Variants in LGR5 observed in about 807,000 individuals in gnomAD.
LGR5 encodes the protein leucine-rich repeat-containing G protein-coupled receptor 5.
In LGR5, 54 loss-of-function variants were observed where a neutral mutation model predicts 76.7. The observed-to-expected ratio is 0.70, with a 90% CI of 0.57 to 0.88. The LOEUF (loss-of-function observed/expected upper bound fraction) is 0.88. Ranked by LOEUF, LGR5 falls within the 40% of genes least tolerant of loss-of-function variation. LGR5 has a pLI of 0.00. For missense variants in LGR5, 1,078 were observed against 1,073.3 expected, an observed-to-expected ratio of 1.00 and a Z score of -0.06; for synonymous variants, 406 against 421.9, an observed-to-expected ratio of 0.96 and a Z score of 0.46.
Position 71,554,881 on chromosome 12 carries a change from C to T in LGR5, c.644+1593C>T, listed in dbSNP as rs150062643. On this transcript the variant is annotated intron_variant, in intron 5 of 17. Transcript: ENST00000266674. ...TAATCAGTTTTCTTTAAAAATGTAG[C>T]AGTATGACCCCCACATGTATAATAT... 8.5e-5 allele frequency among the ~76,000 whole-genome samples: 13 copies of T among 152,242 alleles called. No individual in the cohort carries two copies. In the East Asian group the frequency reaches 2.1e-3, roughly 25 times the overall value.
intron 1 of LGR5, among the ~76,000 whole-genome samples, chr12:71,475,337 A>G (rs914971658): frequency 1.3e-5 from 2 of 152,330 alleles, no homozygotes; most frequent in Admixed American, 6.5e-5. Context: ...AAAACAAAAG[A>G]AAAAGAACTG....
At chr12:71,498,205 C>CA (rs1218613301) in intron 1 of LGR5, among the ~76,000 whole-genome samples, 3 of 152,092 alleles carry the variant, frequency 2.0e-5, no homozygotes, top group Non-Finnish European at 4.4e-5. Context: ...TAATTACAAG[C>CA]AAAAACAATC....
intron 4 of LGR5, among the ~76,000 whole-genome samples, chr12:71,550,965 G>T (rs1437389049): frequency 6.6e-6 from 1 of 152,180 alleles, no homozygotes; most frequent in African/African-American, 2.4e-5. Context: ...TTGAGCATAA[G>T]CCAGGCACAT....
intron 13 of LGR5, among the ~76,000 whole-genome samples, chr12:71,574,642 A>T (rs999439558): frequency 6.6e-6 from 1 of 152,048 alleles, no homozygotes; most frequent in African/African-American, 2.4e-5. Context: ...ATCAGACCAA[A>T]CTTCCCAGCA....
At chr12:71,554,078 T>C (rs1372530796) in intron 5 of LGR5, among the ~76,000 whole-genome samples, 2 of 151,998 alleles carry the variant, frequency 1.3e-5, no homozygotes, top group East Asian at 3.9e-4. Flanking sequence ...TGAGACTCTG[T>C]CTCAAAAAAA....
chr12:71,545,996 C>T (rs1396943612), intron 4 of LGR5, among the ~76,000 whole-genome samples: 3 of 152,104 alleles, frequency 2.0e-5, no homozygotes, highest in African/African-American at 4.8e-5. Flanking sequence ...AGAAAATGAG[C>T]TTATTTTATT....
chr12:71,478,568 T>C (rs913741214), intron 1 of LGR5, among the ~76,000 whole-genome samples: 3 of 152,204 alleles, frequency 2.0e-5, no homozygotes, highest in Non-Finnish European at 4.4e-5. Flanking sequence ...AAGTCCCAGA[T>C]TGAAGTAAAG....
chr12:71,457,741 T>C (rs1033781938), intron 1 of LGR5, among the ~76,000 whole-genome samples: 1 of 152,176 alleles, frequency 6.6e-6, no homozygotes, highest in African/African-American at 2.4e-5. Context: ...AATTATTGTC[T>C]GGTCCTAAAG....
At chr12:71,473,844 A>G (rs937501897) in intron 1 of LGR5, among the ~76,000 whole-genome samples, 9 of 152,118 alleles carry the variant, frequency 5.9e-5, no homozygotes, top group Admixed American at 5.2e-4. Context: ...TTCATTTGCA[A>G]TCATTAAAAA....
At chr12:71,582,257 C>T (rs1447045717) in intron 16 of LGR5, 199 bp from the exon 17 acceptor site, 5 of 511,228 alleles carry the variant, frequency 9.8e-6, no homozygotes, top group Non-Finnish European at 1.4e-5. Flanking sequence ...CCCTCACCCC[C>T]AGTTGTACTA....
At chr12:71,530,174 T>C (rs1469183481) in intron 3 of LGR5, among the ~76,000 whole-genome samples, 1 of 152,196 alleles carries the variant, frequency 6.6e-6, no homozygotes, top group Non-Finnish European at 1.5e-5. Flanking sequence ...TATAATTCTA[T>C]GAATTTTACT....
chr12:71,512,413 CAGAG>C (rs1271273833), intron 2 of LGR5, among the ~76,000 whole-genome samples: 2 of 152,196 alleles, frequency 1.3e-5, no homozygotes, highest in African/African-American at 4.8e-5. Flanking sequence ...AAATATTAAA[CAGAG>C]AGAACTACTT....
chr12:71,566,725 T>A lies in LGR5; in HGVS notation c.998+25T>A. 3.1e-6 allele frequency: 5 copies of A among 1,601,496 alleles called. No homozygotes were observed. The South Asian group carries it at 4.4e-5, about 14-fold the overall frequency. On this transcript the variant is annotated intron_variant, in intron 10 of 17. Transcript: ENST00000266674. ...TGTAAGTACTGAGTAGACTCTTGAC[T>A]TTGCCCAGAACATACACTGCCATTA...
intron 1 of LGR5, among the ~76,000 whole-genome samples, chr12:71,442,635 A>AT (rs776824409): frequency 6.6e-6 from 1 of 152,180 alleles, no homozygotes; most frequent in African/African-American, 2.4e-5. Flanking sequence ...TGATTTCATA[A>AT]TTTGGTGTCC....
chr12:71,452,889 C>T (rs988330691), intron 1 of LGR5, among the ~76,000 whole-genome samples: 3 of 152,156 alleles, frequency 2.0e-5, no homozygotes, highest in Admixed American at 6.5e-5. Context: ...TTGCATGGCA[C>T]CTTACTTGTG....
intron 12 of LGR5, 144 bp from the exon 13 acceptor site, chr12:71,572,702 TAAAC>T (rs931007474): frequency 2.8e-5 from 17 of 599,536 alleles, no homozygotes; most frequent in Non-Finnish European, 5.0e-5. Context: ...TGTTCTTTTT[TAAAC>T]AAACAAAAAT....
At chr12:71,531,967 C>T (rs1876339131) in intron 3 of LGR5, among the ~76,000 whole-genome samples, 1 of 151,886 alleles carries the variant, frequency 6.6e-6, no homozygotes, top group African/African-American at 2.4e-5. Context: ...TATTCAATGA[C>T]AAAAAGCTAT....
chr12:71,444,367 A>G (rs982566993), intron 1 of LGR5, among the ~76,000 whole-genome samples: 2 of 151,978 alleles, frequency 1.3e-5, no homozygotes, highest in African/African-American at 4.8e-5. Context: ...TTTTTTCCAT[A>G]GTGTTTTTGT....
intron 1 of LGR5, among the ~76,000 whole-genome samples, chr12:71,490,482 A>T (rs533837986): frequency 6.6e-6 from 1 of 152,306 alleles, no homozygotes; most frequent in African/African-American, 2.4e-5. Context: ...AATATTCGAG[A>T]TGGAGATTTG....
Sources: allele counts gnomAD v4.1 joint callset (sites outside exome capture counted in the v4.1 genomes callset), GRCh38; gene constraint gnomAD v4.1.1; transcripts MANE v1.5; gene names NCBI Gene and HGNC (gene_info 2026-07-23, HGNC 2026-07-21).